The following PER1 variants were observed in gnomAD, a reference collection of about 807,000 sequenced individuals.
PER1 encodes the protein period circadian protein homolog 1.
A neutral mutation model predicts 125.9 loss-of-function variants in PER1; 87 were observed. The observed-to-expected ratio is 0.69, with a 90% CI of 0.58 to 0.83. The LOEUF (loss-of-function observed/expected upper bound fraction) is 0.83, where lower values mean the gene tolerates loss of function less well. Among genes scored for constraint, PER1 ranks in the 40% least tolerant of loss-of-function variants. The probability of loss-of-function intolerance (pLI) is 0.00; values close to 1 mark genes in which losing one functional copy is unlikely to be tolerated. For synonymous variants in PER1, 801 were observed against 714.7 expected, an observed-to-expected ratio of 1.12 and a Z score of -1.93; for missense variants, 1,775 against 1,722.8, an observed-to-expected ratio of 1.03 and a Z score of -0.54.
At position 8,140,502 on chromosome 17, in the gene PER1, A is replaced by T. The variant is rs1329606497; in HGVS notation, c.*566T>A. Reference sequence around the variant, plus strand: ...TTTTATCTTTTTGTATTAAAAAAGTAGTAACAGACACAAATATCAAAAACA... The same window carrying T: ...TTTTATCTTTTTGTATTAAAAAAGTTGTAACAGACACAAATATCAAAAACA... On this transcript the variant is annotated 3_prime_UTR_variant, in exon 23 of 23. Transcript: ENST00000317276. The T allele has an allele frequency of 4.7e-6, 1 of 212,086 alleles. No homozygotes were observed. Among genetic ancestry groups the T allele is most frequent in the African/African-American group, 2.3e-5 (1 of 44,104 alleles). 13.1% of individuals were successfully genotyped at this position (212,086 alleles called of 1,614,324 possible).
In PER1 at chr17:8,147,363, G is replaced by C; in HGVS notation, c.1516C>G (p.Pro506Ala). ...LLLQPVHSPS[P>A]TGLCGVGAVT... is the part of the protein sequence containing the mutation. ...GCGCCGACTCCACAGAGTCCCGTGG[G>C]GCTGGGGCTGTGGACGGGCTGCAGC... Residue 506 changes from proline (P) to alanine (A), a missense_variant, in exon 13 of 23, where the codon CCC becomes GCC. Coordinates refer to ENST00000317276, the MANE Select transcript of PER1 (RefSeq NM_002616.3). 1 of 1,613,784 alleles carries C rather than the reference G, an allele frequency of 6.2e-7. No homozygotes were observed. Among genetic ancestry groups the C allele is most frequent in the Non-Finnish European group, 8.5e-7 (1 of 1,179,954 alleles).
At position 8,144,881 on chromosome 17, in the gene PER1, C is replaced by T; in HGVS notation, c.2331G>A (p.Gly777=). The change falls in exon 18 of 23, where the codon GGG becomes GGA. Residue 777 remains glycine, a synonymous_variant. Coordinates refer to ENST00000317276, the MANE Select transcript of PER1 (RefSeq NM_002616.3). ...GCAGGGACAGCACGGCCTTGGTCAG[C>T]CCCACTGGACGGTAGGCGTCTGGGG... ...DPAPDAYRPV[G]LTKAVLSLHT... 1.3e-6 allele frequency: 2 copies of T among 1,570,400 alleles called. No individual in the cohort carries two copies. The highest frequency in any genetic ancestry group is 1.7e-6 in the Non-Finnish European group (2 of 1,154,708).
Position 8,150,324 on chromosome 17 carries a change from G to A in PER1, c.276-7C>T, listed in dbSNP as rs1205019779. On this transcript the variant is annotated splice_polypyrimidine_tract_variant and splice_region_variant and intron_variant, in intron 2 of 22. Transcript: ENST00000317276. ...TGGGCTCTGAGAGTTTGTGCTAGGA[G>A]ACAGCAACAGGCCCAGTTACAGGTA... The A allele has an allele frequency of 2.9e-5, 45 of 1,547,962 alleles. No individual in the cohort carries two copies. Among genetic ancestry groups the A allele is most frequent in the Non-Finnish European group, 3.8e-5 (44 of 1,145,204 alleles).
intron 7 of PER1, chr17:8,149,058 G>A (rs563667312): frequency 1.9e-4 from 115 of 618,286 alleles, no homozygotes; most frequent in African/African-American, 1.5e-3. Context: ...GCGTGGTGGC[G>A]CATGCCTGTA....
Position 8,150,351 on chromosome 17 carries a change from G to A in PER1, c.276-34C>T, listed in dbSNP as rs747870488. The A allele has an allele frequency of 6.5e-6, 10 of 1,550,004 alleles. No homozygotes were observed. In the East Asian group the frequency reaches 1.8e-4, roughly 28 times the overall value. ...CAGCAACAGGCCCAGTTACAGGTAG[G>A]GCCAGCAGTGCGAGGCCTGTCACCC... On this transcript the variant is annotated intron_variant, in intron 2 of 22. Coordinates refer to ENST00000317276, the MANE Select transcript of PER1 (RefSeq NM_002616.3).
chr17:8,148,496 T>C, intron 8 of PER1, 148 bp downstream of exon 8: 2 of 1,053,586 alleles, frequency 1.9e-6, no homozygotes, highest in South Asian at 3.1e-5. Flanking sequence ...ACTCTACCTC[T>C]AAGAGGAGCT....
At chr17:8,145,809 G>A (rs1175522044) in intron 17 of PER1, 149 bp downstream of exon 17, 9 of 823,286 alleles carry the variant, frequency 1.1e-5, no homozygotes, top group Non-Finnish European at 1.3e-5. Flanking sequence ...GGCAGGGAGG[G>A]GAGAGCAAGA....
Position 8,146,768 on chromosome 17 carries a change from G to A in PER1, c.1736-3C>T. The stretch of plus-strand genomic sequence containing the variant: ...CTTGGCCTTGAACGTGCCTGTAGCT[G>A]GGGCAAAGAGAGAAAGAGGAAAATA... On this transcript the variant is annotated splice_polypyrimidine_tract_variant and splice_region_variant and intron_variant, in intron 14 of 22. Coordinates refer to ENST00000317276, the MANE Select transcript of PER1 (RefSeq NM_002616.3). The A allele has an allele frequency of 1.2e-6, 2 of 1,608,586 alleles. No individual in the cohort carries two copies. The highest frequency in any genetic ancestry group is 1.7e-6 in the Non-Finnish European group (2 of 1,178,128).
At position 8,141,222 on chromosome 17, in the gene PER1, C is replaced by G; in HGVS notation, c.3719G>C (p.Ser1240Thr). 1 of 1,614,224 alleles carries G rather than the reference C, an allele frequency of 6.2e-7. No homozygotes were observed. Among genetic ancestry groups the G allele is most frequent in the Middle Eastern group, 1.6e-4 (1 of 6,062 alleles). ...TCCCTCACCACTGCCGCCACCGCTG[C>G]TGCCCTGCTCGCCTCCACCCTCTTC... ...PMEEGGGEQG[S>T]SGGGSGEGEG... Residue 1240 changes from serine to threonine, a missense_variant, in exon 23 of 23, where the codon AGC (serine) becomes ACC (threonine). Physicochemically the swap from Ser to Thr is moderately conservative, Grantham distance 58 (BLOSUM62 1). Transcript: ENST00000317276.
In PER1 at chr17:8,146,113, C is replaced by T. The variant is rs1982417667; in HGVS notation, c.2063G>A (p.Gly688Glu). 1.2e-6 allele frequency: 2 copies of T among 1,608,982 alleles called. No homozygotes were observed. Among genetic ancestry groups the T allele is most frequent in the African/African-American group, 2.7e-5 (2 of 74,842 alleles). The change falls in exon 17 of 23, where the codon GGG becomes GAG. Residue 688 changes from glycine (G) to glutamate (E), a missense_variant. By Grantham distance (98) the Gly-to-Glu change is moderately conservative (BLOSUM62 -2). Coordinates refer to ENST00000317276, the MANE Select transcript of PER1 (RefSeq NM_002616.3). ...CTCCTTCCGTGGGGTGGCCCCCTCC[C>T]CAGACAGCGCTGCTGACGGCGGATC... ...KKDPPSAALSGEGATPRKEPV... is the reference protein window; with the variant it reads ...KKDPPSAALSEEGATPRKEPV...
Position 8,150,573 on chromosome 17 carries a change from G to A in PER1, c.134C>T (p.Thr45Ile), listed in dbSNP as rs1245820386. 1 of 1,613,992 alleles carries A rather than the reference G, an allele frequency of 6.2e-7. No individual in the cohort carries two copies. The highest frequency in any genetic ancestry group is 1.3e-5 in the African/African-American group (1 of 74,928). The change falls in exon 2 of 23, where the codon ACC becomes ATC. Residue 45 changes from threonine (T) to isoleucine (I), a missense_variant. Physicochemically the swap from Thr to Ile is moderately conservative, Grantham distance 89. Coordinates refer to ENST00000317276, the MANE Select transcript of PER1 (RefSeq NM_002616.3). ...PCPGPSLADD[T>I]DANSNGSSGN... is the part of the protein sequence containing the mutation. The stretch of plus-strand genomic sequence containing the variant: ...ACTTGAACCATTGCTGTTGGCATCG[G>A]TGTCATCGGCCAGGCTGGGGCCTGG...
chr17:8,146,248 C>G, intron 16 of PER1, 111 bp from the exon 17 acceptor site: 1 of 1,522,294 alleles, frequency 6.6e-7, no homozygotes, highest in South Asian at 1.3e-5. Flanking sequence ...AGGGAACAGT[C>G]TGGAGACCAG....
At chr17:8,141,441 A>G in intron 22 of PER1, 101 bp from the exon 23 acceptor site, 1 of 1,348,594 alleles carries the variant, frequency 7.4e-7, no homozygotes, top group East Asian at 2.4e-5. Flanking sequence ...CCCGAAATGT[A>G]CTCCCAAGAA....
At chr17:8,144,580 C>G in intron 18 of PER1, 171 bp downstream of exon 18, 2 of 852,158 alleles carry the variant, frequency 2.3e-6, no homozygotes, top group Non-Finnish European at 3.5e-6. Flanking sequence ...CCCGGAACCC[C>G]ATCCTAGTGG....
In PER1 at chr17:8,146,077, C is replaced by A. The variant is rs1240309039; in HGVS notation, c.2099G>T (p.Gly700Val). The A allele has an allele frequency of 6.2e-7, 1 of 1,613,640 alleles. No homozygotes were observed. Among genetic ancestry groups the A allele is most frequent in the Non-Finnish European group, 8.5e-7 (1 of 1,179,916 alleles). Residue 700 changes from glycine (G) to valine (V), a missense_variant, in exon 17 of 23, where the codon GGA becomes GTA. By Grantham distance (109) the Gly-to-Val change is moderately radical (BLOSUM62 -3). Transcript: ENST00000317276. ...GATPRKEPVV[G>V]GTLSPLALAN... Reference sequence around the variant, plus strand: ...CAGGGCGAGCGGGCTCAGGGTGCCTCCCACCACTGGCTCCTTCCGTGGGGT... The same window carrying A: ...CAGGGCGAGCGGGCTCAGGGTGCCTACCACCACTGGCTCCTTCCGTGGGGT...
intron 7 of PER1, 46 bp from the exon 8 acceptor site, chr17:8,148,832 C>T (rs373208091): frequency 1.0e-5 from 16 of 1,603,274 alleles, no homozygotes; most frequent in Non-Finnish European, 1.3e-5. Flanking sequence ...CAGAGAGCCA[C>T]CCACTCCTCC....
chr17:8,143,394 G>C lies in PER1; in HGVS notation c.2944C>G (p.Leu982Val). Reference protein sequence around the residue: ...PLFNSRCSSPLQLNLLQLEEL... With the variant: ...PLFNSRCSSPVQLNLLQLEEL... ...TCCAGCTGCAGCAGATTGAGCTGGA[G>C]TGGAGAGCTGCATCTCGAGTTGAAC... Residue 982 changes from leucine to valine, a missense_variant, in exon 19 of 23, where the codon CTC becomes GTC. Transcript: ENST00000317276. 1 of 1,613,720 alleles carries C rather than the reference G, an allele frequency of 6.2e-7. No individual in the cohort carries two copies. The highest frequency in any genetic ancestry group is 8.5e-7 in the Non-Finnish European group (1 of 1,179,854).
At chr17:8,146,872 C>T in intron 14 of PER1, 25 bp downstream of exon 14, 1 of 1,610,846 alleles carries the variant, frequency 6.2e-7, no homozygotes, top group Non-Finnish European at 8.5e-7. Context: ...TCTGTCTCTT[C>T]ACCCACACAT....
Position 8,149,497 on chromosome 17 carries a change from G to A in PER1, c.818C>T (p.Ser273Phe). Residue 273 changes from serine to phenylalanine, a missense_variant, in exon 6 of 23, where the codon TCT (serine) becomes TTT (phenylalanine). By Grantham distance (155) the Ser-to-Phe change is radical (BLOSUM62 -2). Coordinates refer to ENST00000317276, the MANE Select transcript of PER1 (RefSeq NM_002616.3). The stretch of plus-strand genomic sequence containing the variant: ...CCCTGTGCCCCAGGTGGGCAGGCGA[G>A]ATGGAGCAGTGGAACCATAGAAGAC... ...VGVFYGSTAP[S>F]RLPTWGTGAS... 2 of 1,613,852 alleles carry A rather than the reference G, an allele frequency of 1.2e-6. No homozygotes were observed. Among genetic ancestry groups the A allele is most frequent in the Non-Finnish European group, 1.7e-6 (2 of 1,179,966 alleles).
Sources: gnomAD v4.1 joint callset for allele counts on GRCh38, gnomAD v4.1.1 for gene constraint, MANE v1.5 for transcripts, NCBI Gene and HGNC (gene_info 2026-07-23, HGNC 2026-07-21) for gene names.